SRRM4: variants seen among roughly 807,000 people sequenced by gnomAD.
SRRM4 encodes the protein serine/arginine repetitive matrix 4.
A neutral mutation model predicts 68.9 loss-of-function variants in SRRM4; 33 were observed. The ratio of observed to expected loss-of-function variants is 0.48; its 90% CI spans 0.36 to 0.64. The LOEUF is 0.64. Among genes scored for constraint, SRRM4 ranks in the 30% least tolerant of loss-of-function variants. The pLI is 0.00. For synonymous variants in SRRM4, 318 were observed against 318.8 expected, an observed-to-expected ratio of 1.00 and a Z score of 0.03; for missense variants, 817 against 827.1, an observed-to-expected ratio of 0.99 and a Z score of 0.15.
intron 7 of SRRM4, among the ~76,000 whole-genome samples, chr12:119,126,622 C>G (rs1219143414): frequency 6.6e-6 from 1 of 152,282 alleles, no homozygotes; most frequent in Admixed American, 6.5e-5. Context: ...CCTGGACTCT[C>G]TCTATGCTAA....
At chr12:119,006,370 G>C (rs1366505885) in intron 1 of SRRM4, among the ~76,000 whole-genome samples, 1 of 152,194 alleles carries the variant, frequency 6.6e-6, no homozygotes, top group African/African-American at 2.4e-5. Context: ...GAAGTGGTCA[G>C]TGATCTTGGA....
chr12:119,101,352 G>A (rs766690613), intron 1 of SRRM4, among the ~76,000 whole-genome samples: 8 of 152,100 alleles, frequency 5.3e-5, no homozygotes, highest in African/African-American at 9.7e-5. Context: ...CCATAAAGAC[G>A]TGGGACTCAT....
intron 1 of SRRM4, among the ~76,000 whole-genome samples, chr12:118,983,896 C>T (rs1304654794): frequency 1.3e-5 from 2 of 152,132 alleles, no homozygotes; most frequent in East Asian, 1.9e-4. Flanking sequence ...TTATAATACT[C>T]CACTCCCCCT....
intron 1 of SRRM4, chr12:119,001,934 G>C (rs1395795248): frequency 6.8e-6 from 1 of 147,518 alleles, no homozygotes; most frequent in African/African-American, 2.5e-5. Context: ...AGTGAGCTGT[G>C]ATCACACCAC....
chr12:119,063,751 G>A (rs1471268316), intron 1 of SRRM4, among the ~76,000 whole-genome samples: 1 of 152,188 alleles, frequency 6.6e-6, no homozygotes, highest in Non-Finnish European at 1.5e-5. Context: ...AGTGAATCTT[G>A]TGAGTAAGAG....
intron 8 of SRRM4, among the ~76,000 whole-genome samples, chr12:119,142,613 A>G (rs1168397162): frequency 1.3e-5 from 2 of 152,070 alleles, no homozygotes; most frequent in Non-Finnish European, 2.9e-5. Flanking sequence ...CCAGGTAGCA[A>G]ACCACAAGAT....
chr12:119,067,990 G>A (rs1383812809), intron 1 of SRRM4, among the ~76,000 whole-genome samples: 3 of 152,166 alleles, frequency 2.0e-5, no homozygotes, highest in African/African-American at 7.2e-5. Context: ...TCTTCAAATG[G>A]TTGGTGGCAC....
At chr12:119,000,994 A>G (rs1258428049) in intron 1 of SRRM4, 1 of 151,272 alleles carries the variant, frequency 6.6e-6, no homozygotes, top group Non-Finnish European at 1.5e-5. Flanking sequence ...GAATAGCGCC[A>G]TCTTGGATTG....
chr12:119,125,811 C>A (rs974477199), intron 7 of SRRM4, among the ~76,000 whole-genome samples: 1 of 151,818 alleles, frequency 6.6e-6, no homozygotes, highest in Non-Finnish European at 1.5e-5. Context: ...ATTCCAGCTA[C>A]TCTGGAGGCT....
intron 7 of SRRM4, among the ~76,000 whole-genome samples, chr12:119,128,217 A>C (rs534358547): frequency 4.5e-4 from 69 of 152,280 alleles, no homozygotes; most frequent in Non-Finnish European, 9.0e-4. Flanking sequence ...CTCTGTAATC[A>C]AGTCTGAGCC....
rs1406046970 is a variant in SRRM4 at position 119,162,998 on chromosome 12, C to A, written c.*6200C>A. On this transcript the variant is annotated 3_prime_UTR_variant, in exon 13 of 13. Coordinates refer to ENST00000267260, the MANE Select transcript of SRRM4 (RefSeq NM_194286.4). ...TTCCCGGGGTTTCTGGTTTTTCAGCCTGTACGAAACATGTCTCTGTTCTAA... is the reference window on the plus strand; with the variant it reads ...TTCCCGGGGTTTCTGGTTTTTCAGCATGTACGAAACATGTCTCTGTTCTAA... 2 of 152,176 alleles carry A rather than the reference C, an allele frequency of 1.3e-5. No homozygotes were observed. Among genetic ancestry groups the A allele is most frequent in the Non-Finnish European group, 2.9e-5 (2 of 68,042 alleles). 9.4% of individuals were successfully genotyped at this position (152,176 alleles called of 1,614,324 possible).
At chr12:119,078,979 C>T (rs1055808435) in intron 1 of SRRM4, among the ~76,000 whole-genome samples, 4 of 152,222 alleles carry the variant, frequency 2.6e-5, no homozygotes, top group South Asian at 2.1e-4. Context: ...TCTTTAAGGA[C>T]GCACTCTGGG....
chr12:118,999,360 C>A (rs1953369306), intron 1 of SRRM4, among the ~76,000 whole-genome samples: 1 of 152,136 alleles, frequency 6.6e-6, no homozygotes, highest in African/African-American at 2.4e-5. Flanking sequence ...TTGCCAGGGG[C>A]ACCTGAATGT....
chr12:119,044,810 C>T (rs1374327896), intron 1 of SRRM4, among the ~76,000 whole-genome samples: 3 of 152,140 alleles, frequency 2.0e-5, no homozygotes, highest in Non-Finnish European at 4.4e-5. Flanking sequence ...CTGAGACCCC[C>T]AACAGAGTTG....
chr12:119,058,844 A>G (rs888213456), intron 1 of SRRM4, among the ~76,000 whole-genome samples: 3 of 151,910 alleles, frequency 2.0e-5, no homozygotes, highest in Admixed American at 1.3e-4. Context: ...CTTCCCTCTA[A>G]GGCTTCCCCT....
chr12:119,041,069 A>C (rs1164672284), intron 1 of SRRM4, among the ~76,000 whole-genome samples: 1 of 151,710 alleles, frequency 6.6e-6, no homozygotes, highest in Non-Finnish European at 1.5e-5. Context: ...TTTATTGACT[A>C]CTCGTTATAT....
intron 1 of SRRM4, among the ~76,000 whole-genome samples, chr12:119,092,973 G>A (rs1372633472): frequency 1.3e-5 from 2 of 152,060 alleles, no homozygotes; most frequent in Non-Finnish European, 2.9e-5. Flanking sequence ...ATATGTTCCT[G>A]CCTCAGGGCC....
At chr12:119,142,232 T>C (rs926858458) in intron 8 of SRRM4, among the ~76,000 whole-genome samples, 6 of 152,260 alleles carry the variant, frequency 3.9e-5, no homozygotes, top group African/African-American at 1.4e-4. Context: ...TTTTTAAACA[T>C]GCAGGAGAGG....
At chr12:119,010,135 C>T (rs1013331058) in intron 1 of SRRM4, among the ~76,000 whole-genome samples, 1 of 152,222 alleles carries the variant, frequency 6.6e-6, no homozygotes, top group African/African-American at 2.4e-5. Flanking sequence ...TCTCTGCAAC[C>T]TCCGCCTCCC....
Sources: gnomAD v4.1 joint callset for allele counts (sites outside exome capture counted in the v4.1 genomes callset) on GRCh38, gnomAD v4.1.1 for gene constraint, MANE v1.5 for transcripts, NCBI Gene and HGNC (gene_info 2026-07-23, HGNC 2026-07-21) for gene names.